The following NMT2 variants were observed in gnomAD, a reference collection of about 807,000 sequenced individuals.
NMT2 encodes the protein glycylpeptide N-tetradecanoyltransferase 2.
Under a neutral mutation model 65.4 loss-of-function variants are expected in NMT2, and 35 were observed. The ratio of observed to expected loss-of-function variants is 0.54; its 90% CI spans 0.41 to 0.71. The LOEUF (loss-of-function observed/expected upper bound fraction) is 0.71. Among genes scored for constraint, NMT2 ranks in the 30% least tolerant of loss-of-function variants. The pLI, the probability that NMT2 is intolerant of heterozygous loss-of-function variation, is 0.00. For synonymous variants in NMT2, 226 were observed against 231.8 expected, an observed-to-expected ratio of 0.98 and a Z score of 0.23; for missense variants, 489 against 611.3, an observed-to-expected ratio of 0.80 and a Z score of 2.11.
At chr10:15,124,179 C>A (rs557070558) in intron 8 of NMT2, among the ~76,000 whole-genome samples, 89 of 152,260 alleles carry the variant, frequency 5.8e-4, no homozygotes, top group African/African-American at 2.0e-3. Context: ...CTCATTGACA[C>A]AGATGCGCAA....
intron 1 of NMT2, among the ~76,000 whole-genome samples, chr10:15,146,539 G>A (rs561180037): frequency 3.9e-5 from 6 of 152,308 alleles, no homozygotes; most frequent in Admixed American, 2.0e-4. Context: ...ACCCCTATGG[G>A]TGGCTTCTCC....
At chr10:15,113,569 G>T (rs1396836312) in intron 9 of NMT2, among the ~76,000 whole-genome samples, 1 of 151,630 alleles carries the variant, frequency 6.6e-6, no homozygotes, top group Non-Finnish European at 1.5e-5. Flanking sequence ...TAGACTAAGG[G>T]AACAGTGATA....
intron 1 of NMT2, among the ~76,000 whole-genome samples, chr10:15,153,674 A>G (rs954738472): frequency 6.6e-6 from 1 of 151,938 alleles, no homozygotes. Flanking sequence ...TTTTTGAGAC[A>G]GAGTCTCGTT....
chr10:15,167,170 T>C (rs992671962), intron 1 of NMT2, among the ~76,000 whole-genome samples: 8 of 122,192 alleles, frequency 6.5e-5, no homozygotes, highest in African/African-American at 3.0e-4. Flanking sequence ...TGCAATTTCC[T>C]TTCCTCTCTT....
At chr10:15,165,714 C>T (rs1833355490) in intron 1 of NMT2, among the ~76,000 whole-genome samples, 3 of 151,878 alleles carry the variant, frequency 2.0e-5, no homozygotes, top group Non-Finnish European at 2.9e-5. Context: ...CCCATCTCTA[C>T]TAAAAATACA....
intron 1 of NMT2, among the ~76,000 whole-genome samples, chr10:15,152,069 T>A (rs1221193027): frequency 6.6e-6 from 1 of 152,074 alleles, no homozygotes; most frequent in African/African-American, 2.4e-5. Flanking sequence ...TACTCAAACG[T>A]AGAAATGAGA....
At chr10:15,155,411 C>G in intron 1 of NMT2, 1 of 575,266 alleles carries the variant, frequency 1.7e-6, no homozygotes, top group Non-Finnish European at 3.1e-6. Flanking sequence ...CTCTGTCATC[C>G]AGGCTGAAGT....
chr10:15,146,805 A>AC (rs1453596601), intron 1 of NMT2, among the ~76,000 whole-genome samples: 2 of 152,166 alleles, frequency 1.3e-5, no homozygotes, highest in African/African-American at 4.8e-5. Context: ...CTTAAGAGTG[A>AC]CATCGGGCTG....
At chr10:15,145,807 G>A (rs1040514024) in intron 1 of NMT2, among the ~76,000 whole-genome samples, 3 of 152,206 alleles carry the variant, frequency 2.0e-5, no homozygotes, top group Admixed American at 6.5e-5. Flanking sequence ...AGCAGATCAG[G>A]AGTCAGCTGT....
chr10:15,113,989 C>T (rs1200230078), intron 9 of NMT2, among the ~76,000 whole-genome samples: 1 of 152,172 alleles, frequency 6.6e-6, no homozygotes, highest in Non-Finnish European at 1.5e-5. Context: ...GGACCACACA[C>T]ATGCCACTGC....
intron 1 of NMT2, among the ~76,000 whole-genome samples, chr10:15,152,443 A>G (rs949191096): frequency 2.0e-5 from 3 of 152,250 alleles, no homozygotes; most frequent in Admixed American, 1.3e-4. Flanking sequence ...AGCTGGGACA[A>G]GCAGGACTGG....
At chr10:15,149,940 T>A (rs924343135) in intron 1 of NMT2, among the ~76,000 whole-genome samples, 3 of 152,234 alleles carry the variant, frequency 2.0e-5, no homozygotes, top group African/African-American at 7.2e-5. Context: ...TTTTTAGGTC[T>A]TTTGTAAACT....
intron 1 of NMT2, among the ~76,000 whole-genome samples, chr10:15,161,081 C>CAAGAAAAA (rs1833173717): frequency 5.2e-5 from 1 of 19,274 alleles, no homozygotes; most frequent in Non-Finnish European, 9.0e-5. Context: ...CCTCAAAAAT[C>CAAGAAAAA]AAAAAAAAAA....
intron 1 of NMT2, among the ~76,000 whole-genome samples, chr10:15,160,860 C>G (rs1168883664): frequency 6.6e-6 from 1 of 151,672 alleles, no homozygotes; most frequent in Non-Finnish European, 1.5e-5. Flanking sequence ...GAAAAAATGC[C>G]AGAAGCTTCT....
chr10:15,150,995 G>C (rs1832782400), intron 1 of NMT2, among the ~76,000 whole-genome samples: 2 of 151,192 alleles, frequency 1.3e-5, no homozygotes, highest in South Asian at 4.2e-4. Flanking sequence ...CAAGTTTTTG[G>C]TTCTCCTAAA....
At position 15,107,543 on chromosome 10, in the gene NMT2, C is replaced by T. The variant is rs1159978578; in HGVS notation, c.*1652G>A. 2 of 700,528 alleles carry T rather than the reference C, an allele frequency of 2.9e-6. No individual in the cohort carries two copies. The highest frequency in any genetic ancestry group is 3.9e-5 in the African/African-American group (2 of 51,430). 43.4% of individuals were successfully genotyped at this position (700,528 alleles called of 1,614,324 possible). On this transcript the variant is annotated 3_prime_UTR_variant, in exon 12 of 12. Coordinates refer to ENST00000378165, the MANE Select transcript of NMT2 (RefSeq NM_004808.3). The stretch of plus-strand genomic sequence containing the variant: ...TCTTGGCTCACTGCAACTTCCGCCT[C>T]CTGGGTTCAAGTGATTCTCCTGCCT...
chr10:15,140,897 A>G, intron 2 of NMT2: 1 of 1,223,008 alleles, frequency 8.2e-7, no homozygotes, highest in Non-Finnish European at 1.2e-6. Context: ...TTAAACTAGG[A>G]GAATGTCAGG....
intron 8 of NMT2, among the ~76,000 whole-genome samples, chr10:15,123,216 T>G (rs1845978310): frequency 6.6e-6 from 1 of 152,100 alleles, no homozygotes; most frequent in Admixed American, 6.5e-5. Context: ...GTAAGAATAT[T>G]TACATTTGCT....
At chr10:15,147,346 G>A (rs1233073556) in intron 1 of NMT2, among the ~76,000 whole-genome samples, 3 of 151,952 alleles carry the variant, frequency 2.0e-5, no homozygotes, top group African/African-American at 4.8e-5. Flanking sequence ...ATAGCTGATT[G>A]TAATCTTCTC....
Sources: gnomAD v4.1 joint callset for allele counts (sites outside exome capture counted in the v4.1 genomes callset) on GRCh38, gnomAD v4.1.1 for gene constraint, MANE v1.5 for transcripts, NCBI Gene and HGNC (gene_info 2026-07-23, HGNC 2026-07-21) for gene names.